The following AMD1 variants were observed in gnomAD, a reference collection of about 807,000 sequenced individuals.
The protein encoded by AMD1 is S-adenosylmethionine decarboxylase proenzyme.
A neutral mutation model predicts 40.2 loss-of-function variants in AMD1; 11 were observed. The ratio of observed to expected loss-of-function variants is 0.27; its 90% CI spans 0.17 to 0.45. The LOEUF is 0.45. AMD1 is among the 20% of genes least tolerant of loss of function. The probability of loss-of-function intolerance (pLI) is 1.00; values close to 1 mark genes in which losing one functional copy is unlikely to be tolerated. For synonymous variants in AMD1, 121 were observed against 130.8 expected (o/e 0.93, Z 0.51); for missense variants, 257 against 410.2 (o/e 0.63, Z 3.23).
At chr6:110,874,182 G>A (rs1784976368), upstream of AMD1, among the ~76,000 whole-genome samples, 1 of 152,214 alleles carries the variant, frequency 6.6e-6, no homozygotes, top group Admixed American at 6.5e-5. Flanking sequence ...TAAACCAGCC[G>A]AGGACTGCTT....
Position 110,893,756 on chromosome 6 carries a change from T to C in AMD1, c.*140T>C. 1 of 929,042 alleles carries C rather than the reference T, an allele frequency of 1.1e-6. No homozygotes were observed. The highest frequency in any genetic ancestry group is 1.6e-6 in the Non-Finnish European group (1 of 635,858). 57.5% of individuals were successfully genotyped at this position (929,042 alleles called of 1,614,324 possible). On this transcript the variant is annotated 3_prime_UTR_variant, in exon 9 of 9. Transcript: ENST00000368885. The stretch of plus-strand genomic sequence containing the variant: ...GAAAGCCCTAGATGTAATGATAGTG[T>C]AATCATTTTGAATTGTATGCATTAT...
At chr6:110,821,926 A>G in the AMD1 span, among the ~76,000 whole-genome samples, 6 of 152,242 alleles carry the variant, frequency 3.9e-5, no homozygotes, top group African/African-American at 1.4e-4. Flanking sequence ...ATACAAGAAT[A>G]AACCAAACCC....
At chr6:110,880,106 C>T (rs1785320580) in intron 1 of AMD1, among the ~76,000 whole-genome samples, 1 of 152,094 alleles carries the variant, frequency 6.6e-6, no homozygotes, top group Non-Finnish European at 1.5e-5. Context: ...CAGGTATGCA[C>T]CACGATGCCT....
the AMD1 span, among the ~76,000 whole-genome samples, chr6:110,844,571 G>C: frequency 7.2e-5 from 11 of 152,040 alleles, 1 homozygote; most frequent in East Asian, 2.0e-3. Flanking sequence ...CACGAGGTCA[G>C]GAGATCGAGA....
chr6:110,820,914 G>A, the AMD1 span, among the ~76,000 whole-genome samples: 38 of 152,018 alleles, frequency 2.5e-4, no homozygotes, highest in African/African-American at 5.5e-4. Flanking sequence ...GCAAGACTCC[G>A]TCTCAAAAAT....
At chr6:110,860,855 A>C in the AMD1 span, among the ~76,000 whole-genome samples, 3 of 150,646 alleles carry the variant, frequency 2.0e-5, no homozygotes, top group African/African-American at 2.5e-5. Context: ...ACACACACAC[A>C]CACACACACA....
chr6:110,868,160 A>T, the AMD1 span, among the ~76,000 whole-genome samples: 58 of 151,340 alleles, frequency 3.8e-4, 1 homozygote, highest in African/African-American at 1.3e-3. Context: ...TATTATTATT[A>T]TTTTTGAGAC....
At chr6:110,835,658 G>A in the AMD1 span, among the ~76,000 whole-genome samples, 1 of 152,066 alleles carries the variant, frequency 6.6e-6, no homozygotes, top group African/African-American at 2.4e-5. Context: ...CTGAGGTCAG[G>A]AGTTCGAGAC....
rs759300343 is a variant in AMD1 at position 110,892,142 on chromosome 6, C to T, written c.428-19C>T. ...AAATGGATGTGTTATATTTATTTTG[C>T]GTTCTCTTCCCTCAACAGATGGAGC... On this transcript the variant is annotated intron_variant, in intron 4 of 8. Transcript: ENST00000368885. 5 of 1,612,242 alleles carry T rather than the reference C, an allele frequency of 3.1e-6. No homozygotes were observed. The highest frequency in any genetic ancestry group is 1.7e-5 in the Admixed American group (1 of 59,986).
At chr6:110,863,903 T>C in the AMD1 span, 1 of 500,674 alleles carries the variant, frequency 2.0e-6, no homozygotes, top group Non-Finnish European at 3.9e-6. Context: ...AGGAATGTAT[T>C]TCACATAGCC....
At chr6:110,825,192 A>G in the AMD1 span, among the ~76,000 whole-genome samples, 1 of 152,240 alleles carries the variant, frequency 6.6e-6, no homozygotes, top group Non-Finnish European at 1.5e-5. Flanking sequence ...AACAAGAGTA[A>G]CTGATAATAA....
At chr6:110,888,611 C>CT (rs895245960) in intron 2 of AMD1, 2,443 of 234,194 alleles carry the variant, frequency 0.01, no homozygotes, top group South Asian at 0.018. Context: ...TGGCCTCTCT[C>CT]TTTTTTTTTT....
chr6:110,818,232 C>A, the AMD1 span, among the ~76,000 whole-genome samples: 2 of 152,020 alleles, frequency 1.3e-5, no homozygotes, highest in South Asian at 4.1e-4. Context: ...AGTATAGATA[C>A]AAGTTGCCCT....
chr6:110,884,989 C>G (rs1392846784), intron 1 of AMD1, among the ~76,000 whole-genome samples: 1 of 152,186 alleles, frequency 6.6e-6, no homozygotes, highest in East Asian at 1.9e-4. Context: ...GTTTCTAATA[C>G]TTAAATCATA....
chr6:110,885,932 T>A (rs1785655036), intron 1 of AMD1, among the ~76,000 whole-genome samples: 1 of 152,202 alleles, frequency 6.6e-6, no homozygotes, highest in African/African-American at 2.4e-5. Context: ...TGCTGTTGGA[T>A]TTCGCTCAAA....
chr6:110,833,927 TA>T, the AMD1 span, among the ~76,000 whole-genome samples: 2 of 152,218 alleles, frequency 1.3e-5, no homozygotes, highest in East Asian at 3.8e-4. Flanking sequence ...TTATGTGGTT[TA>T]TAGTTATCAG....
chr6:110,857,725 GGT>G, the AMD1 span, among the ~76,000 whole-genome samples: 11,638 of 133,904 alleles, frequency 0.087, 831 homozygotes, highest in African/African-American at 0.21. Context: ...ATATATAGAT[GGT>G]GTGTATATAT....
the AMD1 span, among the ~76,000 whole-genome samples, chr6:110,829,148 C>T: frequency 2.6e-5 from 4 of 151,734 alleles, no homozygotes; most frequent in Admixed American, 6.6e-5. Flanking sequence ...CCAGCCTGGG[C>T]GACAAGAACA....
rs1314955807 is a variant in AMD1, at chr6:110,875,230, C to T, written c.110+15C>T. On this transcript the variant is annotated intron_variant, in intron 1 of 8. Coordinates refer to ENST00000368885, the MANE Select transcript of AMD1 (RefSeq NM_001634.6). ...ACTATCCCAAGGTGGGTCCCCGGGG[C>T]GCTCGCTGACATCCGGGCCTGGGGG... is the stretch of plus-strand genomic sequence containing the variant. The T allele has an allele frequency of 1.3e-6, 2 of 1,582,196 alleles. No individual in the cohort carries two copies. Among genetic ancestry groups the T allele is most frequent in the South Asian group, 1.1e-5 (1 of 87,724 alleles).
Sources: gnomAD v4.1 joint callset for allele counts (sites outside exome capture counted in the v4.1 genomes callset) on GRCh38, gnomAD v4.1.1 for gene constraint, MANE v1.5 for transcripts, NCBI Gene and HGNC (gene_info 2026-07-23, HGNC 2026-07-21) for gene names.